TANGO6: variants seen among roughly 807,000 people sequenced by gnomAD.
TANGO6 encodes transport and Golgi organization protein 6 homolog.
TANGO6 carries 90 observed loss-of-function variants against 114.2 expected under a neutral mutation model. That is an observed-to-expected ratio of 0.79 (90% CI 0.66 to 0.94). The LOEUF (loss-of-function observed/expected upper bound fraction) is 0.94, where lower values mean the gene tolerates loss of function less well. Ranked by LOEUF, TANGO6 falls within the 40% of genes least tolerant of loss-of-function variation. The probability of loss-of-function intolerance (pLI) is 0.00; values close to 1 mark genes in which losing one functional copy is unlikely to be tolerated. For synonymous variants in TANGO6, 477 were observed against 509.8 expected (o/e 0.94, Z 0.87); for missense variants, 1,274 against 1,315.3 (o/e 0.97, Z 0.49).
intron 17 of TANGO6, among the ~76,000 whole-genome samples, chr16:69,063,657 A>AAAAAAC (rs1567568885): frequency 8.1e-5 from 12 of 148,962 alleles, no homozygotes; most frequent in Non-Finnish European, 1.5e-4. Context: ...AAAAAAAAAA[A>AAAAAAC]AAAAAAAAAA....
chr16:68,923,781 G>A (rs964716027), intron 12 of TANGO6, among the ~76,000 whole-genome samples: 2 of 152,102 alleles, frequency 1.3e-5, no homozygotes, highest in Non-Finnish European at 2.9e-5. Context: ...GAAAGGTGAT[G>A]TCTAATGAAG....
chr16:68,986,832 G>A (rs565465832), intron 15 of TANGO6, among the ~76,000 whole-genome samples: 1 of 152,230 alleles, frequency 6.6e-6, no homozygotes, highest in South Asian at 2.1e-4. Context: ...TTGAACCTGG[G>A]AGGCAGAGGG....
intron 15 of TANGO6, among the ~76,000 whole-genome samples, chr16:68,986,437 C>T (rs1349125980): frequency 1.3e-5 from 2 of 152,054 alleles, no homozygotes; most frequent in Non-Finnish European, 2.9e-5. Context: ...GGCTGTAAAA[C>T]ACCCTGATTC....
chr16:68,878,098 T>G lies in TANGO6; in HGVS notation c.1132-20T>G. The G allele has an allele frequency of 6.3e-7, 1 of 1,598,068 alleles. No individual in the cohort carries two copies. The highest frequency in any genetic ancestry group is 8.5e-7 in the Non-Finnish European group (1 of 1,172,632). On this transcript the variant is annotated intron_variant, in intron 5 of 17. Coordinates refer to ENST00000261778, the MANE Select transcript of TANGO6 (RefSeq NM_024562.2). ...TTCCTTGCAAAAAACTGGTATTTACTTCTTGTAGTTTTTTTGTAGGTTCTG... is the reference window on the plus strand; with the variant it reads ...TTCCTTGCAAAAAACTGGTATTTACGTCTTGTAGTTTTTTTGTAGGTTCTG...
intron 14 of TANGO6, among the ~76,000 whole-genome samples, chr16:68,973,364 ATAGACAT>A (rs1963728510): frequency 6.6e-6 from 1 of 152,198 alleles, no homozygotes; most frequent in African/African-American, 2.4e-5. Flanking sequence ...AAACAACAGT[ATAGACAT>A]GAATGGTAGA....
intron 14 of TANGO6, among the ~76,000 whole-genome samples, chr16:68,965,165 T>TG (rs372562483): frequency 6.6e-6 from 1 of 151,686 alleles, no homozygotes; most frequent in African/African-American, 2.4e-5. Context: ...TTTGTTTGTT[T>TG]TTTTTATTTT....
chr16:68,959,506 G>C (rs951971881), intron 14 of TANGO6, among the ~76,000 whole-genome samples: 9 of 152,064 alleles, frequency 5.9e-5, no homozygotes, highest in African/African-American at 2.2e-4. Context: ...AGAATTGCTT[G>C]AACCTGGGGG....
intron 12 of TANGO6, among the ~76,000 whole-genome samples, chr16:68,924,697 G>A (rs1963143753): frequency 6.6e-6 from 1 of 151,886 alleles, no homozygotes; most frequent in African/African-American, 2.4e-5. Flanking sequence ...GGCTGAGGCA[G>A]GAGGATCGCT....
At chr16:69,057,230 C>G (rs1375615770) in intron 17 of TANGO6, among the ~76,000 whole-genome samples, 1 of 152,004 alleles carries the variant, frequency 6.6e-6, no homozygotes, top group East Asian at 1.9e-4. Context: ...TAAAAATACT[C>G]TCTCAGTTTA....
At chr16:68,983,157 C>T (rs536192313) in intron 15 of TANGO6, among the ~76,000 whole-genome samples, 2 of 152,124 alleles carry the variant, frequency 1.3e-5, no homozygotes, top group African/African-American at 4.8e-5. Flanking sequence ...GCTGAAGTTA[C>T]ATCTTCTTTG....
At chr16:68,965,712 G>T (rs1963638566) in intron 14 of TANGO6, among the ~76,000 whole-genome samples, 1 of 151,804 alleles carries the variant, frequency 6.6e-6, no homozygotes, top group African/African-American at 2.4e-5. Flanking sequence ...GAGGCAGGAA[G>T]ATTGCTTGAA....
chr16:69,053,503 C>T (rs1959986645), intron 17 of TANGO6, among the ~76,000 whole-genome samples: 1 of 152,176 alleles, frequency 6.6e-6, no homozygotes, highest in South Asian at 2.1e-4. Flanking sequence ...AAGGTTCAGA[C>T]ACATCAGGTA....
chr16:69,049,241 C>A (rs977370700), intron 17 of TANGO6, among the ~76,000 whole-genome samples: 1 of 151,924 alleles, frequency 6.6e-6, no homozygotes, highest in Non-Finnish European at 1.5e-5. Flanking sequence ...CAATTCTCCT[C>A]TTCCCCGTTC....
chr16:68,856,837 C>T (rs564238370), intron 1 of TANGO6, among the ~76,000 whole-genome samples: 4 of 152,278 alleles, frequency 2.6e-5, no homozygotes, highest in East Asian at 1.9e-4. Flanking sequence ...TGGCCAGGCG[C>T]GGTGGCTCAT....
In TANGO6 at chr16:69,027,191, A is replaced by C. The variant is rs143268346; in HGVS notation, c.2994+4212A>C. Among the ~76,000 whole-genome samples, 414 of 152,216 alleles carry C rather than the reference A, an allele frequency of 2.7e-3. 1 individual carries two copies. The highest frequency in any genetic ancestry group is 9.4e-3 in the African/African-American group (392 of 41,522). On this transcript the variant is annotated intron_variant, in intron 16 of 17. Transcript: ENST00000261778. ...GAGGGAATTTTTTTCAATGTTTGGC[A>C]GTTGTGTCATATCAATAAGCAGAGA...
At chr16:68,865,275 CAAA>C (rs60365346) in intron 3 of TANGO6, among the ~76,000 whole-genome samples, 2 of 70,230 alleles carry the variant, frequency 2.8e-5, no homozygotes, top group Admixed American at 1.6e-4. Flanking sequence ...GACTCCGTCT[CAAA>C]AAAAAAAAAA....
intron 5 of TANGO6, 102 bp downstream of exon 5, chr16:68,875,392 ATTTAAG>A: frequency 7.4e-7 from 1 of 1,349,874 alleles, no homozygotes; most frequent in Non-Finnish European, 9.9e-7. Context: ...GCAGTATAAT[ATTTAAG>A]TTTATTGTTT....
intron 14 of TANGO6, among the ~76,000 whole-genome samples, chr16:68,959,657 C>T (rs1963570974): frequency 6.6e-6 from 1 of 152,174 alleles, no homozygotes; most frequent in Non-Finnish European, 1.5e-5. Context: ...TTCCACCTTG[C>T]CTCTGTCACT....
At chr16:68,891,600 T>C (rs919640020) in intron 7 of TANGO6, among the ~76,000 whole-genome samples, 1 of 152,218 alleles carries the variant, frequency 6.6e-6, no homozygotes, top group African/African-American at 2.4e-5. Flanking sequence ...TTTTTCTTTC[T>C]CTTTTAAATT....
Sources: gnomAD v4.1 joint callset for allele counts (sites outside exome capture counted in the v4.1 genomes callset) on GRCh38, gnomAD v4.1.1 for gene constraint, MANE v1.5 for transcripts, NCBI Gene and HGNC (gene_info 2026-07-23, HGNC 2026-07-21) for gene names.